Variants in MAP3K1 observed in about 807,000 individuals in gnomAD.
MAP3K1 encodes the protein mitogen-activated protein kinase kinase kinase 1.
In MAP3K1, 36 loss-of-function variants were observed where a neutral mutation model predicts 144.2. The observed-to-expected ratio is 0.25, with a 90% CI of 0.19 to 0.33. MAP3K1 has a LOEUF of 0.33. MAP3K1 is among the 10% of genes least tolerant of loss of function. The pLI, the probability that MAP3K1 is intolerant of heterozygous loss-of-function variation, is 1.00. For missense variants in MAP3K1, 1,650 were observed against 1,881.9 expected, an observed-to-expected ratio of 0.88 and a Z score of 2.28; for synonymous variants, 718 against 688.7, an observed-to-expected ratio of 1.04 and a Z score of -0.67.
intron 1 of MAP3K1, among the ~76,000 whole-genome samples, chr5:56,838,430 A>G (rs867769342): frequency 3.9e-5 from 6 of 152,360 alleles, no homozygotes; most frequent in African/African-American, 1.4e-4. Flanking sequence ...AGCTTTTGCT[A>G]TAGTGAAAAG....
intron 1 of MAP3K1, chr5:56,820,692 A>G (rs1266892640): frequency 5.1e-6 from 5 of 985,206 alleles, no homozygotes; most frequent in Non-Finnish European, 6.0e-6. Context: ...AACTTTTACT[A>G]TTGCTAGACC....
At chr5:56,854,477 A>G (rs970825456) in intron 1 of MAP3K1, among the ~76,000 whole-genome samples, 17 of 151,680 alleles carry the variant, frequency 1.1e-4, no homozygotes, top group Non-Finnish European at 1.6e-4. Flanking sequence ...AAATAATCTC[A>G]TAGTCCTTAA....
At chr5:56,817,985 G>A (rs915710640) in intron 1 of MAP3K1, among the ~76,000 whole-genome samples, 3 of 152,162 alleles carry the variant, frequency 2.0e-5, no homozygotes, top group Non-Finnish European at 4.4e-5. Flanking sequence ...CTTTGCTTAA[G>A]GTGTAGATTA....
chr5:56,851,716 C>T (rs909738336), intron 1 of MAP3K1, among the ~76,000 whole-genome samples: 1 of 152,188 alleles, frequency 6.6e-6, no homozygotes, highest in Admixed American at 6.5e-5. Context: ...CCGTTCAGTA[C>T]AGAAGGTCAT....
At chr5:56,882,928 C>A in intron 14 of MAP3K1, 62 bp downstream of exon 14, 1 of 1,322,420 alleles carries the variant, frequency 7.6e-7, no homozygotes, top group Non-Finnish European at 1.1e-6. Context: ...GTGACTCATA[C>A]CTGGAATTCC....
chr5:56,838,760 T>C (rs1393007993), intron 1 of MAP3K1, among the ~76,000 whole-genome samples: 3 of 152,162 alleles, frequency 2.0e-5, no homozygotes, highest in Non-Finnish European at 4.4e-5. Flanking sequence ...TTGACTAGGG[T>C]AGCTAGGATT....
Position 56,883,635 on chromosome 5 carries a change from C to G in MAP3K1, c.3775C>G (p.Gln1259Glu), listed in dbSNP as rs1189714200. ...IGLGAFSSCY[Q>E]AQDVGTGTLM... ...CCTTGGAGCATTTTCTTCTTGTTAT[C>G]AGGCTCAAGATGTGGGAACTGGAAC... Residue 1259 changes from glutamine (Q) to glutamate (E), a missense_variant, in exon 15 of 20, where the codon CAG becomes GAG. Transcript: ENST00000399503. The G allele has an allele frequency of 1.2e-6, 2 of 1,614,052 alleles. No homozygotes were observed. The highest frequency in any genetic ancestry group is 1.3e-5 in the African/African-American group (1 of 75,026).
chr5:56,861,982 G>C (rs1186752626), intron 3 of MAP3K1: 1 of 152,102 alleles, frequency 6.6e-6, no homozygotes, highest in Non-Finnish European at 1.5e-5. Context: ...AAAACCTGAT[G>C]CCCAACAGTA....
At chr5:56,886,164 GAGGTGAAGGC>G in intron 17 of MAP3K1, 101 bp downstream of exon 17, 1 of 950,572 alleles carries the variant, frequency 1.1e-6, no homozygotes, top group Non-Finnish European at 1.7e-6. Flanking sequence ...AGTACTTTGG[GAGGTGAAGGC>G]AGGTGGATCA....
chr5:56,873,885 T>A (rs1021318561), intron 9 of MAP3K1, among the ~76,000 whole-genome samples: 1 of 152,196 alleles, frequency 6.6e-6, no homozygotes, highest in African/African-American at 2.4e-5. Context: ...TTCTTGTACC[T>A]AGTTCATTAA....
At chr5:56,821,528 G>A (rs1045763917) in intron 1 of MAP3K1, among the ~76,000 whole-genome samples, 6 of 152,192 alleles carry the variant, frequency 3.9e-5, no homozygotes, top group African/African-American at 1.4e-4. Context: ...GTAGGTGGAA[G>A]CTTTGCTCTT....
Position 56,882,167 on chromosome 5 carries a change from T to A in MAP3K1, c.2967T>A (p.Ser989=). 1 of 1,614,164 alleles carries A rather than the reference T, an allele frequency of 6.2e-7. No homozygotes were observed. Among genetic ancestry groups the A allele is most frequent in the Non-Finnish European group, 8.5e-7 (1 of 1,180,018 alleles). The stretch of plus-strand genomic sequence containing the variant: ...CAGCCTTGTCAACCCCTTCTTCTTC[T>A]ACCCCATCTGTACCAGCTGGCACTG... ...MFPALSTPSS[S]TPSVPAGTAT... Residue 989 remains serine, a synonymous_variant, in exon 14 of 20, where the codon TCT becomes TCA. Coordinates refer to ENST00000399503, the MANE Select transcript of MAP3K1 (RefSeq NM_005921.2).
chr5:56,819,056 G>A (rs182817182), intron 1 of MAP3K1, among the ~76,000 whole-genome samples: 3 of 152,292 alleles, frequency 2.0e-5, no homozygotes, highest in Admixed American at 2.0e-4. Flanking sequence ...GAATTTGTAA[G>A]TTTTTAGTTA....
At chr5:56,843,876 T>C (rs1241793597) in intron 1 of MAP3K1, among the ~76,000 whole-genome samples, 6 of 152,206 alleles carry the variant, frequency 3.9e-5, no homozygotes, top group Admixed American at 2.6e-4. Context: ...CTCTGCAATT[T>C]TCTTAGAAAT....
At chr5:56,891,603 A>G (rs1446719001) in intron 19 of MAP3K1, among the ~76,000 whole-genome samples, 2 of 152,210 alleles carry the variant, frequency 1.3e-5, no homozygotes, top group African/African-American at 2.4e-5. Flanking sequence ...TTAGACATGA[A>G]GTCCTTGCCC....
chr5:56,873,732 C>G (rs563289870), intron 9 of MAP3K1, among the ~76,000 whole-genome samples: 1 of 152,220 alleles, frequency 6.6e-6, no homozygotes, highest in South Asian at 2.1e-4. Flanking sequence ...TGAACAGGTG[C>G]ATTAACACAT....
intron 1 of MAP3K1, chr5:56,817,018 G>A (rs1420928823): frequency 1.0e-6 from 1 of 978,740 alleles, no homozygotes; most frequent in Non-Finnish European, 1.2e-6. Context: ...CCTGCTCGGT[G>A]CCCTGGCGCG....
chr5:56,822,316 C>A (rs1042307131), intron 1 of MAP3K1, among the ~76,000 whole-genome samples: 1 of 152,164 alleles, frequency 6.6e-6, no homozygotes, highest in Non-Finnish European at 1.5e-5. Context: ...TGAGCCACTG[C>A]GGCCAGACCA....
intron 1 of MAP3K1, among the ~76,000 whole-genome samples, chr5:56,832,657 A>AT (rs1008098176): frequency 3.9e-5 from 6 of 151,952 alleles, no homozygotes; most frequent in East Asian, 1.9e-4. Flanking sequence ...ATCTTTGCAT[A>AT]TTTTTTTTAA....
Sources: gnomAD v4.1 joint callset for allele counts (sites outside exome capture counted in the v4.1 genomes callset) on GRCh38, gnomAD v4.1.1 for gene constraint, MANE v1.5 for transcripts, NCBI Gene and HGNC (gene_info 2026-07-23, HGNC 2026-07-21) for gene names.